Variants in TAAR5 observed in about 807,000 individuals in gnomAD.
TAAR5 encodes the protein trace amine-associated receptor 5.
Under a neutral mutation model 21.1 loss-of-function variants are expected in TAAR5, and 27 were observed. The observed-to-expected ratio is 1.28, with a 90% CI of 0.94 to 1.76. The LOEUF is 1.76. TAAR5 is among the 40% of genes most tolerant of loss of function. TAAR5 has a pLI of 0.00. For missense variants in TAAR5, 495 were observed against 405.6 expected, an observed-to-expected ratio of 1.22 and a Z score of -1.89; for synonymous variants, 203 against 167.5, an observed-to-expected ratio of 1.21 and a Z score of -1.64.
the TAAR5 span, among the ~76,000 whole-genome samples, chr6:132,611,891 A>G: frequency 6.6e-6 from 1 of 152,212 alleles, no homozygotes; most frequent in Non-Finnish European, 1.5e-5. Context: ...ATACTTTTGC[A>G]TGACTGTTCA....
chr6:132,593,468 CCT>C (rs1776934713), upstream of TAAR5, among the ~76,000 whole-genome samples: 1 of 152,132 alleles, frequency 6.6e-6, no homozygotes, highest in African/African-American at 2.4e-5. Flanking sequence ...TACCATTCCC[CCT>C]GAGATAATGG....
the TAAR5 span, among the ~76,000 whole-genome samples, chr6:132,613,736 C>T: frequency 6.6e-6 from 1 of 152,128 alleles, no homozygotes; most frequent in Admixed American, 6.6e-5. Flanking sequence ...ATAGCAACAC[C>T]AAGTTAGGAA....
At chr6:132,603,529 T>A in the TAAR5 span, among the ~76,000 whole-genome samples, 1 of 150,788 alleles carries the variant, frequency 6.6e-6, no homozygotes. Context: ...GGGAAATCAA[T>A]ATCGCTTGTA....
At chr6:132,613,955 T>G in the TAAR5 span, among the ~76,000 whole-genome samples, 3 of 152,220 alleles carry the variant, frequency 2.0e-5, no homozygotes, top group African/African-American at 7.2e-5. Context: ...TATGTATGTA[T>G]GTACAAGCAT....
chr6:132,597,726 A>G, the TAAR5 span, among the ~76,000 whole-genome samples: 1 of 152,194 alleles, frequency 6.6e-6, no homozygotes, highest in Non-Finnish European at 1.5e-5. Flanking sequence ...ACAACCACCC[A>G]TGGAAATTAT....
chr6:132,608,805 A>C, the TAAR5 span: 1 of 455,922 alleles, frequency 2.2e-6, no homozygotes, highest in African/African-American at 2.0e-5. Context: ...AAAGAGCAGG[A>C]ACTGACCAGC....
the TAAR5 span, among the ~76,000 whole-genome samples, chr6:132,603,924 TTAAAAGTTGC>T: frequency 0.052 from 7,870 of 152,122 alleles, 298 homozygotes; most frequent in African/African-American, 0.11. Context: ...TTGAAAGGTG[TTAAAAGTTGC>T]TAAATGTATA....
the TAAR5 span, among the ~76,000 whole-genome samples, chr6:132,606,005 CAG>C: frequency 1.3e-5 from 2 of 149,010 alleles, no homozygotes; most frequent in African/African-American, 2.5e-5. Flanking sequence ...AATGCAGTAA[CAG>C]AAAACCAAAT....
the TAAR5 span, among the ~76,000 whole-genome samples, chr6:132,615,007 G>A: frequency 6.6e-6 from 1 of 152,108 alleles, no homozygotes; most frequent in Non-Finnish European, 1.5e-5. Flanking sequence ...GGGACTACAG[G>A]CACACACCAC....
upstream of TAAR5, among the ~76,000 whole-genome samples, chr6:132,589,913 G>C (rs1776881089): frequency 1.3e-5 from 2 of 152,128 alleles, no homozygotes; most frequent in Non-Finnish European, 2.9e-5. Flanking sequence ...AAGGTTTCAT[G>C]AGAGTTACTT....
rs759179868 is a variant in TAAR5, at chr6:132,589,081, C to T, written c.606G>A (p.Trp202Ter). ...GGACAAAGAACAAAGGGAAGTTTAA[C>T]CAGCCCCAAAATTTATTGAGCAGCA... Reference protein sequence around the residue: ...CQLLLNKFWGWLNFPLFFVPC... With the variant: ...CQLLLNKFWG Residue 202 changes from tryptophan to a stop codon, truncating the protein, a stop_gained, in exon 1 of 1, where the codon TGG (tryptophan) becomes TGA (stop). Transcript: ENST00000258034. LOFTEE classifies it high-confidence loss of function. 5.0e-6 allele frequency: 8 copies of T among 1,613,966 alleles called. No individual in the cohort carries two copies. Among genetic ancestry groups the T allele is most frequent in the African/African-American group, 1.3e-5 (1 of 74,904 alleles).
At chr6:132,590,760 T>C (rs9493388), upstream of TAAR5, among the ~76,000 whole-genome samples, 28,485 of 152,180 alleles carry the variant, frequency 0.19, 3,663 homozygotes, top group South Asian at 0.33. Context: ...GACAATTAAT[T>C]AGAGATAAAA....
the TAAR5 span, among the ~76,000 whole-genome samples, chr6:132,604,963 G>T: frequency 1.3e-5 from 2 of 152,212 alleles, no homozygotes; most frequent in African/African-American, 4.8e-5. Context: ...CATGGAGAGG[G>T]ACTCCAGATG....
chr6:132,600,975 G>A, the TAAR5 span, among the ~76,000 whole-genome samples: 25 of 76,040 alleles, frequency 3.3e-4, no homozygotes, highest in South Asian at 1.5e-3. Flanking sequence ...GAGGGAAGGA[G>A]GGAAAGAAGG....
At chr6:132,604,726 G>T in the TAAR5 span, among the ~76,000 whole-genome samples, 1 of 152,294 alleles carries the variant, frequency 6.6e-6, no homozygotes, top group East Asian at 1.9e-4. Context: ...GCAATGAAAA[G>T]CTATCTTTAT....
chr6:132,591,998 G>A (rs1170105370), upstream of TAAR5, among the ~76,000 whole-genome samples: 1 of 152,142 alleles, frequency 6.6e-6, no homozygotes, highest in Non-Finnish European at 1.5e-5. Flanking sequence ...ATCTAGTGCA[G>A]ATAACTGTTA....
the TAAR5 span, among the ~76,000 whole-genome samples, chr6:132,610,753 T>C: frequency 1.3e-5 from 2 of 152,188 alleles, no homozygotes; most frequent in Non-Finnish European, 2.9e-5. Context: ...TTTACATCAC[T>C]GACTTCCAAA....
upstream of TAAR5, among the ~76,000 whole-genome samples, chr6:132,590,987 T>A (rs1261997130): frequency 6.6e-6 from 1 of 152,034 alleles, no homozygotes; most frequent in Non-Finnish European, 1.5e-5. Flanking sequence ...CATGAAGGGG[T>A]GGTTTGTGAC....
At position 132,589,387 on chromosome 6, in the gene TAAR5, C is replaced by G; in HGVS notation, c.300G>C (p.Trp100Cys). ...GGCGGCAGAGGAAGTCCCCGAAGAA[C>G]CAGCAGCTCTCCACTGAGCGAATGG... ...LSTIRSVESC[W>C]FFGDFLCRLH... The change falls in exon 1 of 1, where the codon TGG becomes TGC. Residue 100 changes from tryptophan (W) to cysteine (C), a missense_variant. Physicochemically the swap from Trp to Cys is radical, Grantham distance 215 (BLOSUM62 -2). Transcript: ENST00000258034. 6.2e-7 allele frequency: 1 copy of G among 1,614,034 alleles called. No homozygotes were observed. Among genetic ancestry groups the G allele is most frequent in the Non-Finnish European group, 8.5e-7 (1 of 1,179,944 alleles).
Sources: allele counts gnomAD v4.1 joint callset (sites outside exome capture counted in the v4.1 genomes callset), GRCh38; gene constraint gnomAD v4.1.1; transcripts MANE v1.5; gene names NCBI Gene and HGNC (gene_info 2026-07-23, HGNC 2026-07-21).